TTLL7: variants seen among roughly 807,000 people sequenced by gnomAD.
TTLL7 encodes the protein tubulin polyglutamylase TTLL7.
TTLL7 carries 53 observed loss-of-function variants against 120.2 expected under a neutral mutation model. The ratio of observed to expected loss-of-function variants is 0.44; its 90% CI spans 0.35 to 0.55. The LOEUF (loss-of-function observed/expected upper bound fraction) is 0.55. TTLL7 is among the 20% of genes least tolerant of loss of function. TTLL7 has a pLI of 0.00. For synonymous variants in TTLL7, 353 were observed against 351.7 expected (o/e 1.00, Z -0.04); for missense variants, 803 against 1,054.7 (o/e 0.76, Z 3.31).
chr1:83,882,832 T>C (rs973224072), intron 20 of TTLL7, 131 bp downstream of exon 20: 9 of 997,220 alleles, frequency 9.0e-6, no homozygotes, highest in Middle Eastern at 3.2e-4. Flanking sequence ...TTGCAGATAA[T>C]AGCATGTATG....
At chr1:83,942,331 C>T in intron 7 of TTLL7, 132 bp downstream of exon 7, 1 of 660,324 alleles carries the variant, frequency 1.5e-6, no homozygotes, top group Non-Finnish European at 2.5e-6. Context: ...TATTTATGTA[C>T]ACAATTCTTC....
chr1:83,974,199 C>A (rs776488082), intron 1 of TTLL7, among the ~76,000 whole-genome samples: 1 of 151,736 alleles, frequency 6.6e-6, no homozygotes, highest in Admixed American at 6.6e-5. Flanking sequence ...TTCATGGGCA[C>A]GGGAAAAATG....
intron 10 of TTLL7, among the ~76,000 whole-genome samples, chr1:83,923,691 A>G (rs1183841135): frequency 3.3e-5 from 5 of 152,114 alleles, no homozygotes; most frequent in African/African-American, 9.7e-5. Flanking sequence ...TCTAAAAACT[A>G]TTTGCATTTC....
At chr1:83,994,997 T>C (rs966029351) in intron 1 of TTLL7, among the ~76,000 whole-genome samples, 6 of 152,126 alleles carry the variant, frequency 3.9e-5, no homozygotes, top group Non-Finnish European at 5.9e-5. Context: ...GTCTATCACA[T>C]ATTCTCCTTC....
chr1:83,878,050 T>C (rs572383416), intron 20 of TTLL7, among the ~76,000 whole-genome samples: 7 of 152,044 alleles, frequency 4.6e-5, no homozygotes, highest in Admixed American at 1.3e-4. Flanking sequence ...TCTTTTCTTA[T>C]GTCCATTATA....
In TTLL7 at chr1:83,947,224, C is replaced by A. The variant is rs780978266; in HGVS notation, c.406G>T (p.Ala136Ser). 1.1e-5 allele frequency: 18 copies of A among 1,612,288 alleles called. No individual in the cohort carries two copies. The highest frequency in any genetic ancestry group is 1.5e-5 in the Non-Finnish European group (18 of 1,179,462). The change falls in exon 6 of 21, where the codon GCT becomes TCT. Residue 136 changes from alanine (A) to serine (S), a missense_variant. This residue lies in a region of TTLL7 where 324 missense variants were observed against 507.7 expected (regional missense o/e 0.64). Transcript: ENST00000260505. ...TFVPRTWIFP[A>S]EYTQFQNYVK... ...TAATTTTGGAATTGAGTATATTCAG[C>A]AGGAAAGATCCAAGTTCGAGGAACA...
chr1:83,942,493 C>T lies in TTLL7; in HGVS notation c.693G>A (p.Glu231=). ...YHDGLVRMGT[E]KYIPPNESNL... ...TGGACTCATTAGGTGGAATGTACTT[C>T]TCTGTACCCATTCGCACAAGCCCAT... Residue 231 remains glutamate, a synonymous_variant, in exon 7 of 21, where the codon GAG becomes GAA. Coordinates refer to ENST00000260505, the MANE Select transcript of TTLL7 (RefSeq NM_024686.6). The T allele has an allele frequency of 6.2e-7, 1 of 1,613,976 alleles. No individual in the cohort carries two copies. Among genetic ancestry groups the T allele is most frequent in the South Asian group, 1.1e-5 (1 of 91,072 alleles).
intron 19 of TTLL7, among the ~76,000 whole-genome samples, chr1:83,886,299 TA>T (rs1654966942): frequency 6.6e-6 from 1 of 152,016 alleles, no homozygotes; most frequent in Non-Finnish European, 1.5e-5. Context: ...AAAGTTGTGG[TA>T]GGGGTCCCTA....
intron 12 of TTLL7, chr1:83,920,486 C>G (rs1658549050): frequency 6.5e-6 from 1 of 152,856 alleles, no homozygotes; most frequent in African/African-American, 2.4e-5. Flanking sequence ...CTTATCACTA[C>G]TGTTGATGGT....
intron 20 of TTLL7, among the ~76,000 whole-genome samples, chr1:83,878,420 T>C (rs1410784859): frequency 1.3e-5 from 2 of 151,970 alleles, no homozygotes; most frequent in Non-Finnish European, 2.9e-5. Context: ...TTCTGTCAAC[T>C]TTTGCTTTGC....
chr1:83,914,772 G>C (rs879615266), intron 14 of TTLL7, among the ~76,000 whole-genome samples: 1 of 152,022 alleles, frequency 6.6e-6, no homozygotes, highest in Non-Finnish European at 1.5e-5. Context: ...CTTTATTATA[G>C]TACTTGCCAC....
At chr1:83,950,869 G>A (rs1424148355) in intron 3 of TTLL7, among the ~76,000 whole-genome samples, 2 of 152,106 alleles carry the variant, frequency 1.3e-5, no homozygotes, top group Non-Finnish European at 2.9e-5. Flanking sequence ...AGCTCATGTA[G>A]AGAGCAAGGG....
intron 8 of TTLL7, among the ~76,000 whole-genome samples, chr1:83,935,617 AG>A (rs1420531147): frequency 6.6e-6 from 1 of 152,020 alleles, no homozygotes; most frequent in Non-Finnish European, 1.5e-5. Flanking sequence ...CCAGAACAAA[AG>A]TACAGAGCTC....
At chr1:83,892,843 T>TATATATGAACGC (rs1557569294) in intron 18 of TTLL7, among the ~76,000 whole-genome samples, 1 of 148,644 alleles carries the variant, frequency 6.7e-6, no homozygotes, top group African/African-American at 2.5e-5. Flanking sequence ...TATGAACACA[T>TATATATGAACGC]ATATGAGTAT....
chr1:83,954,659 G>A (rs1649349864), intron 1 of TTLL7, among the ~76,000 whole-genome samples: 1 of 152,164 alleles, frequency 6.6e-6, no homozygotes, highest in South Asian at 2.1e-4. Flanking sequence ...CCAACCATCA[G>A]CATTTCTAAA....
At chr1:83,942,418 G>C in intron 7 of TTLL7, 45 bp downstream of exon 7, 1 of 1,505,424 alleles carries the variant, frequency 6.6e-7, no homozygotes, top group Non-Finnish European at 9.2e-7. Context: ...AAAAGTATAT[G>C]TTGACAAATG....
chr1:83,890,120 A>T (rs1655333116), intron 19 of TTLL7, among the ~76,000 whole-genome samples: 2 of 152,068 alleles, frequency 1.3e-5, no homozygotes, highest in African/African-American at 4.8e-5. Context: ...AATTCAAATT[A>T]ATTAGGTGGT....
intron 1 of TTLL7, among the ~76,000 whole-genome samples, chr1:83,954,934 T>C (rs1210122056): frequency 2.7e-5 from 4 of 150,216 alleles, no homozygotes; most frequent in African/African-American, 9.8e-5. Flanking sequence ...AGAAACAGAA[T>C]TTATTTACAA....
chr1:83,991,675 T>C (rs1027371596), intron 1 of TTLL7, among the ~76,000 whole-genome samples: 2 of 152,054 alleles, frequency 1.3e-5, no homozygotes, highest in Middle Eastern at 3.4e-3. Context: ...TTAAAAATAA[T>C]GCTACAAAAT....
Sources: allele counts gnomAD v4.1 joint callset (sites outside exome capture counted in the v4.1 genomes callset), GRCh38; gene constraint gnomAD v4.1.1; regional missense constraint gnomAD v4.1.1; transcripts MANE v1.5; gene names NCBI Gene and HGNC (gene_info 2026-07-23, HGNC 2026-07-21).